The following CCP110 variants were observed in gnomAD, a reference collection of about 807,000 sequenced individuals.
The protein encoded by CCP110 is centriolar coiled-coil protein 110, also known as centriolar coiled-coil protein of 110 kDa.
CCP110 carries 43 observed loss-of-function variants against 105.5 expected under a neutral mutation model. The observed-to-expected ratio is 0.41, with a 90% confidence interval of 0.32 to 0.53. CCP110 has a LOEUF of 0.53. Ranked by LOEUF, CCP110 falls within the 20% of genes least tolerant of loss-of-function variation. The probability of loss-of-function intolerance (pLI) is 0.32; values close to 1 mark genes in which losing one functional copy is unlikely to be tolerated. For missense variants in CCP110, 1,016 were observed against 1,189.1 expected, an observed-to-expected ratio of 0.85 and a Z score of 2.14; for synonymous variants, 353 against 392.1, an observed-to-expected ratio of 0.90 and a Z score of 1.18.
intron 1 of CCP110, chr16:19,524,780 T>C (rs1183430573): frequency 6.6e-6 from 1 of 152,138 alleles, no homozygotes; most frequent in Non-Finnish European, 1.5e-5. Context: ...TATTTTTCAG[T>C]TTCATTTGAA....
chr16:19,548,584 C>A lies in CCP110; in HGVS notation c.2970C>A (p.Asn990Lys), dbSNP rs1970538128. 1 of 1,548,118 alleles carries A rather than the reference C, an allele frequency of 6.5e-7. No individual in the cohort carries two copies. Among genetic ancestry groups the A allele is most frequent in the African/African-American group, 1.4e-5 (1 of 72,966 alleles). ...AGCCTTCACAGAGCAGAGTGCCTAA[C>A]AGAGTGCCTGTTTCAGGTTTGTAGA... Residue 990 changes from asparagine to lysine, a missense_variant, in exon 14 of 15, where the codon AAC (asparagine) becomes AAA (lysine). Asn to Lys is a moderately conservative substitution (Grantham distance 94). Transcript: ENST00000381396. The surrounding 1 kb of genome is among the most constrained non-coding windows in gnomAD (Gnocchi z 4.1).
At chr16:19,552,671 T>C (rs781618219) in exon 15 of CCP110, 16 of 152,190 alleles carry the variant, frequency 1.1e-4, no homozygotes, top group Non-Finnish European at 2.2e-4. Context: ...AGTGTATATT[T>C]AATCTAATTT....
At chr16:19,545,875 G>A (rs1246206002) in exon 11 of CCP110, 17 of 1,600,572 alleles carry the variant, frequency 1.1e-5, no homozygotes, top group Non-Finnish European at 1.4e-5. Context: ...TCTCTTGATA[G>A]GAAGAAATAC....
At chr16:19,536,420 A>C in exon 4 of CCP110, 1 of 1,613,250 alleles carries the variant, frequency 6.2e-7, no homozygotes, top group South Asian at 1.1e-5. Context: ...TCTGAGAGGT[A>C]GTATCAACAG....
Position 19,538,302 on chromosome 16 carries a change from CTTTTTTT to C in CCP110, c.1918+737_1918+743del, listed in dbSNP as rs1164690143. Among the ~76,000 whole-genome samples the C allele has an allele frequency of 3.2e-3, 177 of 55,228 alleles. 1 individual carries two copies. Among genetic ancestry groups the C allele is most frequent in the African/African-American group, 0.01 (116 of 11,070 alleles). The allele number at this position is 55,228 out of a possible 152,430, so 36.2% of individuals were successfully genotyped here. On this transcript the variant is annotated intron_variant, in intron 4 of 14. Coordinates refer to ENST00000381396, the Ensembl canonical transcript of CCP110. Reference sequence around the variant, plus strand: ...ATATTAATAATTGGAGGAAACAGTTCTTTTTTTTTTTTTTTTTTTTTTTTTTTTGAGA... The same window carrying C: ...ATATTAATAATTGGAGGAAACAGTTCTTTTTTTTTTTTTTTTTTTTTGAGA...
At chr16:19,527,926 A>T (rs145642339) in exon 2 of CCP110, 1 of 1,613,608 alleles carries the variant, frequency 6.2e-7, no homozygotes, top group African/African-American at 1.3e-5. Context: ...TTGCCAGAAT[A>T]CAAGAAGCAT....
At chr16:19,536,109 C>T in exon 4 of CCP110, 1 of 1,614,018 alleles carries the variant, frequency 6.2e-7, no homozygotes, top group Middle Eastern at 1.6e-4. Flanking sequence ...GGGATTTTGC[C>T]ATTGGATAAT....
chr16:19,537,654 C>A, intron 4 of CCP110, 67 bp downstream of exon 4: 1 of 908,628 alleles, frequency 1.1e-6, no homozygotes, highest in Non-Finnish European at 1.6e-6. Context: ...TCTTAATTGA[C>A]ATTTTTGGGA....
rs149635483 is a variant in CCP110 at position 19,530,631 on chromosome 16, C to T, written c.142-1785C>T. Among the ~76,000 whole-genome samples the T allele has an allele frequency of 4.7e-3, 702 of 150,352 alleles. 3 individuals carry two copies. Among genetic ancestry groups the T allele is most frequent in the African/African-American group, 0.016 (665 of 40,802 alleles). Reference sequence around the variant, plus strand: ...AACCCAGTAGGCAAAGGTAGTGAGCCGAGATCGAGCCACTGCACAACAGCC... The same window carrying T: ...AACCCAGTAGGCAAAGGTAGTGAGCTGAGATCGAGCCACTGCACAACAGCC... On this transcript the variant is annotated intron_variant, in intron 2 of 14. Transcript: ENST00000381396.
chr16:19,548,980 G>A lies in CCP110; in HGVS notation c.2986+380G>A, dbSNP rs1186734040. ...TTGGGGAAGTGTATCTGCACATAAG[G>A]GGATAAACTTTCTCCCTCAGACTAT... On this transcript the variant is annotated intron_variant, in intron 14 of 14. Transcript: ENST00000381396. The surrounding 1 kb of genome is among the most constrained non-coding windows in gnomAD (Gnocchi z 4.1). Among the ~76,000 whole-genome samples, 2 of 152,098 alleles carry A rather than the reference G, an allele frequency of 1.3e-5. No individual in the cohort carries two copies. The highest frequency in any genetic ancestry group is 2.4e-5 in the African/African-American group (1 of 41,414).
chr16:19,528,162 T>G (rs113525193), intron 2 of CCP110, 140 bp downstream of exon 2: 7 of 673,030 alleles, frequency 1.0e-5, no homozygotes, highest in African/African-American at 5.6e-5. Flanking sequence ...AATTAGCATT[T>G]TTTACTTACT....
At chr16:19,545,946 T>G in intron 11 of CCP110, 56 bp downstream of exon 11, 1 of 985,934 alleles carries the variant, frequency 1.0e-6, no homozygotes, top group Non-Finnish European at 1.6e-6. Flanking sequence ...TTTAGTCATC[T>G]GTTGGTCTAT....
intron 2 of CCP110, among the ~76,000 whole-genome samples, chr16:19,530,831 G>A (rs1597252117): frequency 6.6e-6 from 1 of 152,102 alleles, no homozygotes; most frequent in East Asian, 1.9e-4. Flanking sequence ...GTGGGTGCCT[G>A]TAATCCCAGC....
At chr16:19,537,445 T>C (rs1414129518) in exon 4 of CCP110, 2 of 1,613,102 alleles carry the variant, frequency 1.2e-6, no homozygotes, top group East Asian at 2.2e-5. Flanking sequence ...ATTTAGATAT[T>C]GATGGTTTGC....
chr16:19,533,359 A>G (rs997619959), intron 3 of CCP110, among the ~76,000 whole-genome samples: 2 of 152,228 alleles, frequency 1.3e-5, no homozygotes, highest in African/African-American at 4.8e-5. Flanking sequence ...GGATGTGCCA[A>G]GGAAAAAGAG....
At chr16:19,533,221 G>A (rs909062544) in intron 3 of CCP110, among the ~76,000 whole-genome samples, 1 of 145,058 alleles carries the variant, frequency 6.9e-6, no homozygotes, top group Non-Finnish European at 1.5e-5. Flanking sequence ...TGGTTTGTCT[G>A]TTTAATTCGT....
chr16:19,552,086 C>G (rs1235476021), exon 15 of CCP110: 1 of 152,048 alleles, frequency 6.6e-6, no homozygotes, highest in Non-Finnish European at 1.5e-5. Context: ...TCTTCATAGT[C>G]TGTTTTTTCT....
At position 19,548,124 on chromosome 16, in the gene CCP110, A is replaced by G; in HGVS notation, c.2900+110A>G. On this transcript the variant is annotated intron_variant, in intron 13 of 14. Coordinates refer to ENST00000381396, the Ensembl canonical transcript of CCP110. This position sits in a 1 kb window ranked among gnomAD's most constrained non-coding sequence, Gnocchi z 4.1. ...TAAAGGATAATGGTTTTTCAATGGG[A>G]TTTTTTTTCTTTATAGCATTGGGAA... The G allele has an allele frequency of 1.2e-6, 1 of 832,168 alleles. No homozygotes were observed. Among genetic ancestry groups the G allele is most frequent in the Admixed American group, 2.2e-5 (1 of 45,328 alleles). The allele number at this position is 832,168 out of a possible 1,614,324, so 51.5% of individuals were successfully genotyped here.
rs533702273 is a variant in CCP110, at chr16:19,528,368, A to C, written c.141+346A>C. Among the ~76,000 whole-genome samples, 301 of 152,384 alleles carry C rather than the reference A, an allele frequency of 2.0e-3. 2 individuals carry two copies. The highest frequency in any genetic ancestry group is 3.1e-3 in the Non-Finnish European group (214 of 68,042). ...ATATCCTACAATTATATGTGAGCCC[A>C]AAGAAATAAGTACAAAGTTACATTA... is the stretch of plus-strand genomic sequence containing the variant. On this transcript the variant is annotated intron_variant, in intron 2 of 14. Coordinates refer to ENST00000381396, the Ensembl canonical transcript of CCP110.
Sources: gnomAD v4.1 joint callset for allele counts (sites outside exome capture counted in the v4.1 genomes callset) on GRCh38, gnomAD v4.1.1 for gene constraint, Gnocchi (gnomAD v3.1) non-coding constraint, MANE v1.5 for transcripts, NCBI Gene and HGNC (gene_info 2026-07-23, HGNC 2026-07-21) for gene names.